The following HS3ST5 variants were observed in gnomAD, a reference collection of about 807,000 sequenced individuals.
The protein encoded by HS3ST5 is heparan sulfate glucosamine 3-O-sulfotransferase 5.
A neutral mutation model predicts 25.4 loss-of-function variants in HS3ST5; 10 were observed. That is an observed-to-expected ratio of 0.39 (90% CI 0.24 to 0.67). The LOEUF is 0.67. Ranked by LOEUF, HS3ST5 falls within the 30% of genes least tolerant of loss-of-function variation. The pLI, the probability that HS3ST5 is intolerant of heterozygous loss-of-function variation, is 0.44. For missense variants in HS3ST5, 324 were observed against 420.7 expected, an observed-to-expected ratio of 0.77 and a Z score of 2.01; for synonymous variants, 170 against 162.4, an observed-to-expected ratio of 1.05 and a Z score of -0.36.
chr6:114,137,855 A>G (rs1777705089), intron 3 of HS3ST5, among the ~76,000 whole-genome samples: 1 of 152,140 alleles, frequency 6.6e-6, no homozygotes, highest in African/African-American at 2.4e-5. Context: ...ACTGATGACT[A>G]ATTGGTGGCA....
At chr6:114,070,080 T>A (rs1294246372) in intron 3 of HS3ST5, among the ~76,000 whole-genome samples, 1 of 152,068 alleles carries the variant, frequency 6.6e-6, no homozygotes, top group African/African-American at 2.4e-5. Flanking sequence ...ATGCAGTCTT[T>A]TATCCCTCAT....
chr6:114,231,760 T>TAAA (rs11333317), intron 1 of HS3ST5, among the ~76,000 whole-genome samples: 4 of 141,260 alleles, frequency 2.8e-5, no homozygotes, highest in African/African-American at 1.1e-4. Flanking sequence ...CTATTCTATT[T>TAAA]AAAAAAAAAA....
intron 3 of HS3ST5, among the ~76,000 whole-genome samples, chr6:114,145,300 T>C (rs9481423): frequency 0.34 from 51,368 of 152,094 alleles, 9,479 homozygotes; most frequent in East Asian, 0.61. Flanking sequence ...TGAAATTTCA[T>C]CATCTCTCCA....
intron 3 of HS3ST5, among the ~76,000 whole-genome samples, chr6:114,147,957 G>A (rs568612218): frequency 4.6e-5 from 7 of 152,014 alleles, no homozygotes; most frequent in Non-Finnish European, 8.8e-5. Context: ...TCCTTCATCC[G>A]AATGCATAAA....
chr6:114,155,552 T>C (rs548008200), intron 3 of HS3ST5, among the ~76,000 whole-genome samples: 4 of 152,372 alleles, frequency 2.6e-5, no homozygotes, highest in South Asian at 4.1e-4. Context: ...AATGACTTAA[T>C]TTCTCAGATT....
At chr6:114,324,039 TGA>T (rs1021574842) in intron 1 of HS3ST5, among the ~76,000 whole-genome samples, 1 of 152,154 alleles carries the variant, frequency 6.6e-6, no homozygotes, top group Non-Finnish European at 1.5e-5. Context: ...TCTTAGATTC[TGA>T]GAGTATAAGA....
At chr6:114,120,276 T>C (rs1776724639) in intron 3 of HS3ST5, among the ~76,000 whole-genome samples, 1 of 152,132 alleles carries the variant, frequency 6.6e-6, no homozygotes, top group Non-Finnish European at 1.5e-5. Context: ...CTTTACCTGA[T>C]TTTTTTCCCC....
chr6:114,314,179 C>T (rs190191198), intron 1 of HS3ST5, among the ~76,000 whole-genome samples: 30 of 152,268 alleles, frequency 2.0e-4, no homozygotes, highest in Admixed American at 1.9e-3. Flanking sequence ...CCACCCGCCT[C>T]GGCCTCTCAA....
chr6:114,165,350 C>A (rs938510889), intron 3 of HS3ST5, among the ~76,000 whole-genome samples: 5 of 152,284 alleles, frequency 3.3e-5, no homozygotes, highest in African/African-American at 1.2e-4. Flanking sequence ...GCAATCTTGT[C>A]TAGATTTGCT....
chr6:114,223,624 ATTCCAT>A (rs1278167596), intron 2 of HS3ST5, among the ~76,000 whole-genome samples: 4 of 151,850 alleles, frequency 2.6e-5, no homozygotes, highest in African/African-American at 9.6e-5. Flanking sequence ...GAGTCCAAAC[ATTCCAT>A]TTTTCTTCAA....
At chr6:114,130,608 T>C (rs555472793) in intron 3 of HS3ST5, among the ~76,000 whole-genome samples, 2 of 152,204 alleles carry the variant, frequency 1.3e-5, no homozygotes, top group South Asian at 2.1e-4. Context: ...CTTGCTCTGT[T>C]GCCCAGGCTG....
chr6:114,294,441 C>CTTTT (rs57443813), intron 1 of HS3ST5, among the ~76,000 whole-genome samples: 106 of 112,932 alleles, frequency 9.4e-4, no homozygotes, highest in African/African-American at 3.0e-3. Context: ...AGGTTAGAAA[C>CTTTT]TTTTTTTTTT....
intron 3 of HS3ST5, among the ~76,000 whole-genome samples, chr6:114,083,918 T>G (rs893557472): frequency 6.6e-6 from 1 of 152,170 alleles, no homozygotes; most frequent in Non-Finnish European, 1.5e-5. Context: ...GTTTGTTTCT[T>G]AGGATTGATC....
At chr6:114,205,429 G>A (rs1173076511) in intron 2 of HS3ST5, among the ~76,000 whole-genome samples, 7 of 152,140 alleles carry the variant, frequency 4.6e-5, no homozygotes, top group African/African-American at 1.4e-4. Flanking sequence ...GGAGCACAGA[G>A]CTTCCATTCC....
At chr6:114,316,521 A>C (rs1393504338) in intron 1 of HS3ST5, among the ~76,000 whole-genome samples, 4 of 152,196 alleles carry the variant, frequency 2.6e-5, no homozygotes. Flanking sequence ...TTCCAAGGGG[A>C]CAAGAAATGG....
chr6:114,246,363 G>C (rs1772378708), intron 1 of HS3ST5, among the ~76,000 whole-genome samples: 1 of 152,198 alleles, frequency 6.6e-6, no homozygotes, highest in African/African-American at 2.4e-5. Context: ...TTAAGTCACA[G>C]TGTTTTTTTG....
At chr6:114,323,189 C>A (rs916351956) in intron 1 of HS3ST5, among the ~76,000 whole-genome samples, 1 of 151,878 alleles carries the variant, frequency 6.6e-6, no homozygotes, top group Non-Finnish European at 1.5e-5. Context: ...GAGCCATGCC[C>A]CAGAATGAAG....
chr6:114,310,382 G>T (rs1582806784), intron 1 of HS3ST5, among the ~76,000 whole-genome samples: 1 of 152,184 alleles, frequency 6.6e-6, no homozygotes, highest in African/African-American at 2.4e-5. Context: ...AAATAATTAT[G>T]CTTATCTGTA....
chr6:114,205,814 C>T (rs1488242119), intron 2 of HS3ST5, among the ~76,000 whole-genome samples: 3 of 152,164 alleles, frequency 2.0e-5, no homozygotes, highest in Admixed American at 1.3e-4. Context: ...AGATCCCTCA[C>T]ACGTGCAGTT....
Sources: allele counts gnomAD v4.1 joint callset (sites outside exome capture counted in the v4.1 genomes callset), GRCh38; gene constraint gnomAD v4.1.1; transcripts MANE v1.5; gene names NCBI Gene and HGNC (gene_info 2026-07-23, HGNC 2026-07-21).